Variants in TRAPPC9 observed in about 807,000 individuals in gnomAD.
TRAPPC9 encodes the protein trafficking protein particle complex subunit 9.
A neutral mutation model predicts 124.0 loss-of-function variants in TRAPPC9; 83 were observed. The observed-to-expected ratio is 0.67, with a 90% CI of 0.56 to 0.80. The LOEUF (loss-of-function observed/expected upper bound fraction) is 0.80. TRAPPC9 is among the 30% of genes least tolerant of loss of function. TRAPPC9 has a pLI of 0.00. For missense variants in TRAPPC9, 1,302 were observed against 1,508.3 expected (o/e 0.86, Z 2.27); for synonymous variants, 638 against 617.5 (o/e 1.03, Z -0.49).
chr8:140,364,892 T>C (rs1205828185), intron 8 of TRAPPC9, among the ~76,000 whole-genome samples: 1 of 151,810 alleles, frequency 6.6e-6, no homozygotes, highest in Non-Finnish European at 1.5e-5. Flanking sequence ...TTTTAAAATG[T>C]AAATCCTACA....
intron 21 of TRAPPC9, among the ~76,000 whole-genome samples, chr8:139,818,561 G>A (rs1229786068): frequency 6.6e-6 from 1 of 151,794 alleles, no homozygotes; most frequent in African/African-American, 2.4e-5. Flanking sequence ...GGGCAATAGA[G>A]CAAGGCTCTG....
intron 21 of TRAPPC9, among the ~76,000 whole-genome samples, chr8:139,841,025 G>A (rs1826694091): frequency 6.6e-6 from 1 of 152,200 alleles, no homozygotes; most frequent in African/African-American, 2.4e-5. Context: ...AAATTCTAGA[G>A]CTAGAAGTAT....
In TRAPPC9 at chr8:140,397,811, G is replaced by T. The variant is rs2069139957; in HGVS notation, c.1009-66C>A. On this transcript the variant is annotated intron_variant, in intron 6 of 22. Transcript: ENST00000438773. ...CAGATGTTTCTGTCACATTCTAAAG[G>T]CTGTGCTACTGGGACTCAATAACTA... 9.4e-6 allele frequency: 15 copies of T among 1,600,836 alleles called. No homozygotes were observed. In the South Asian group the frequency reaches 1.7e-4, roughly 18 times the overall value.
At chr8:140,065,431 C>G (rs920629547) in intron 17 of TRAPPC9, among the ~76,000 whole-genome samples, 98 of 152,334 alleles carry the variant, frequency 6.4e-4, no homozygotes, top group African/African-American at 2.4e-3. Flanking sequence ...CAGCCTTCTA[C>G]TAGAAGAAGA....
chr8:140,321,236 G>C (rs1418742013), intron 9 of TRAPPC9, among the ~76,000 whole-genome samples: 1 of 152,236 alleles, frequency 6.6e-6, no homozygotes, highest in East Asian at 1.9e-4. Flanking sequence ...CATGGCTGGG[G>C]CTGGAGCCAC....
At chr8:140,096,987 C>G (rs984683370) in intron 17 of TRAPPC9, 1 of 152,436 alleles carries the variant, frequency 6.6e-6, no homozygotes, top group Admixed American at 6.5e-5. Flanking sequence ...GCCCATCCAG[C>G]ATAGAGATGT....
intron 19 of TRAPPC9, among the ~76,000 whole-genome samples, chr8:139,973,695 C>A (rs1306773860): frequency 6.6e-6 from 1 of 152,244 alleles, no homozygotes; most frequent in Non-Finnish European, 1.5e-5. Context: ...CCACACTGAG[C>A]AGCACCAGGG....
intron 18 of TRAPPC9, among the ~76,000 whole-genome samples, chr8:139,990,270 G>C (rs1338599582): frequency 6.6e-6 from 1 of 152,206 alleles, no homozygotes; most frequent in Non-Finnish European, 1.5e-5. Flanking sequence ...CGGAGGCTCA[G>C]GAGAGGACAG....
intron 17 of TRAPPC9, among the ~76,000 whole-genome samples, chr8:140,196,826 G>A (rs1460451742): frequency 3.7e-4 from 55 of 148,554 alleles, no homozygotes; most frequent in African/African-American, 1.1e-3. Flanking sequence ...TGTACAGATC[G>A]CACCTGTGAC....
intron 20 of TRAPPC9, among the ~76,000 whole-genome samples, chr8:139,889,696 C>T (rs1830216995): frequency 6.6e-6 from 1 of 152,224 alleles, no homozygotes; most frequent in South Asian, 2.1e-4. Flanking sequence ...CAGAGCGACG[C>T]TAAGGAAGCC....
chr8:140,233,163 T>A (rs2063642587), intron 16 of TRAPPC9, among the ~76,000 whole-genome samples: 1 of 152,062 alleles, frequency 6.6e-6, no homozygotes, highest in South Asian at 2.1e-4. Context: ...AAATGTTTCT[T>A]CTGCACAAAT....
At chr8:139,854,147 G>A (rs913010816) in intron 21 of TRAPPC9, among the ~76,000 whole-genome samples, 7 of 152,098 alleles carry the variant, frequency 4.6e-5, no homozygotes, top group African/African-American at 1.7e-4. Context: ...TCTGATTATC[G>A]GACCCTGGGA....
At chr8:140,233,549 CCT>C (rs924632810) in intron 16 of TRAPPC9, among the ~76,000 whole-genome samples, 1 of 148,910 alleles carries the variant, frequency 6.7e-6, no homozygotes. Context: ...TCCCTCCCTT[CCT>C]CTCTCTCTCA....
intron 11 of TRAPPC9, 38 bp from the exon 12 acceptor site, chr8:140,291,116 G>T: frequency 6.3e-7 from 1 of 1,577,610 alleles, no homozygotes; most frequent in Non-Finnish European, 8.7e-7. Flanking sequence ...CCATGTATTA[G>T]TTGGTATTTT....
intron 17 of TRAPPC9, among the ~76,000 whole-genome samples, chr8:140,054,324 T>C (rs1397235950): frequency 6.6e-6 from 1 of 152,092 alleles, no homozygotes; most frequent in Non-Finnish European, 1.5e-5. Flanking sequence ...TAAAATTTTG[T>C]TTCAAACGAA....
intron 21 of TRAPPC9, among the ~76,000 whole-genome samples, chr8:139,826,106 A>AG (rs1320219310): frequency 6.6e-6 from 1 of 152,196 alleles, no homozygotes; most frequent in African/African-American, 2.4e-5. Context: ...CAGAGAGCCC[A>AG]GGGTGACCCA....
At chr8:140,455,224 C>G (rs1370440932) in intron 1 of TRAPPC9, among the ~76,000 whole-genome samples, 1 of 152,170 alleles carries the variant, frequency 6.6e-6, no homozygotes, top group Non-Finnish European at 1.5e-5. Flanking sequence ...CCTCTGCCTC[C>G]CAGGTTCAAG....
chr8:140,341,992 G>T (rs902414138), intron 9 of TRAPPC9, among the ~76,000 whole-genome samples: 1 of 152,254 alleles, frequency 6.6e-6, no homozygotes, highest in African/African-American at 2.4e-5. Context: ...TAGAAAGAAA[G>T]ATCACTTTAT....
At chr8:140,034,417 G>A (rs1272851266) in intron 17 of TRAPPC9, among the ~76,000 whole-genome samples, 1 of 152,100 alleles carries the variant, frequency 6.6e-6, no homozygotes, top group Non-Finnish European at 1.5e-5. Flanking sequence ...CATCACCTAG[G>A]GAGTCTCTGT....
Sources: gnomAD v4.1 joint callset for allele counts (sites outside exome capture counted in the v4.1 genomes callset) on GRCh38, gnomAD v4.1.1 for gene constraint, MANE v1.5 for transcripts, NCBI Gene and HGNC (gene_info 2026-07-23, HGNC 2026-07-21) for gene names.